The following CDYL variants were observed in gnomAD, a reference collection of about 807,000 sequenced individuals.
The protein encoded by CDYL is chromodomain Y like, also known as chromodomain Y-like protein.
Under a neutral mutation model 47.3 loss-of-function variants are expected in CDYL, and 8 were observed. The ratio of observed to expected loss-of-function variants is 0.17; its 90% confidence interval spans 0.10 to 0.31. The LOEUF is 0.31. CDYL is among the 10% of genes least tolerant of loss of function. The pLI, the probability that CDYL is intolerant of heterozygous loss-of-function variation, is 1.00. For missense variants in CDYL, 471 were observed against 701.4 expected (o/e 0.67, Z 3.71); for synonymous variants, 266 against 265.0 (o/e 1.00, Z -0.04).
Position 4,760,070 on chromosome 6 carries a change from A to T in CDYL, c.186+25226A>T, listed in dbSNP as rs115812750. 5.4e-3 allele frequency among the ~76,000 whole-genome samples: 815 copies of T among 152,062 alleles called. 5 individuals carry two copies. Among genetic ancestry groups the T allele is most frequent in the African/African-American group, 0.019 (787 of 41,500 alleles). ...TCTGTTGTTTTTTTCTGCTAAGGCT[A>T]GTCCATCAACCTGGGGTTGAAACAA... On this transcript the variant is annotated intron_variant, in intron 3 of 8. Coordinates refer to the CDYL transcript ENST00000328908.
chr6:4,801,369 T>C (rs1439481345), intron 1 of CDYL, among the ~76,000 whole-genome samples: 1 of 152,236 alleles, frequency 6.6e-6, no homozygotes, highest in Admixed American at 6.5e-5. Flanking sequence ...TCACTTGGAA[T>C]CAGTTTCTGT....
intron 1 of CDYL, among the ~76,000 whole-genome samples, chr6:4,853,367 A>T (rs1760909468): frequency 6.6e-6 from 1 of 152,232 alleles, no homozygotes; most frequent in South Asian, 2.1e-4. Context: ...AACATAACTT[A>T]TCCAAAGCTA....
intron 2 of CDYL, among the ~76,000 whole-genome samples, chr6:4,914,410 G>A (rs779096907): frequency 2.0e-5 from 3 of 152,090 alleles, no homozygotes; most frequent in Non-Finnish European, 2.9e-5. Flanking sequence ...CTACGCTGTC[G>A]TGCCAGTCCA....
At position 4,872,723 on chromosome 6, in the gene CDYL, C is replaced by T. The variant is rs142308871; in HGVS notation, c.25-18990C>T. On this transcript the variant is annotated intron_variant, in intron 1 of 6. Coordinates refer to ENST00000397588, the MANE Select transcript of CDYL (RefSeq NM_004824.4). ...AAGATATGTGAAGGCTTGCCTATAA[C>T]ACTGTAGTTCCTAACTTTGCCGTTT... is the stretch of plus-strand genomic sequence containing the variant. Among the ~76,000 whole-genome samples the T allele has an allele frequency of 4.1e-3, 632 of 152,304 alleles. 1 individual carries two copies. Among genetic ancestry groups the T allele is most frequent in the African/African-American group, 0.014 (594 of 41,556 alleles).
At chr6:4,751,654 G>A (rs1191606936) in intron 3 of CDYL, among the ~76,000 whole-genome samples, 1 of 152,222 alleles carries the variant, frequency 6.6e-6, no homozygotes, top group Non-Finnish European at 1.5e-5. Context: ...CAGGGGTAGC[G>A]ATGGACGAAG....
chr6:4,734,338 C>A (rs1757662798), intron 2 of CDYL, among the ~76,000 whole-genome samples: 1 of 152,156 alleles, frequency 6.6e-6, no homozygotes, highest in Non-Finnish European at 1.5e-5. Context: ...ATCTCAGAGT[C>A]CCACTCCTAG....
rs576169668 is a variant in CDYL, at chr6:4,905,705, G to A, written c.691+13326G>A. 9.8e-5 allele frequency among the ~76,000 whole-genome samples: 15 copies of A among 152,318 alleles called. No individual in the cohort carries two copies. In the South Asian group the frequency reaches 2.5e-3, roughly 25 times the overall value. The stretch of plus-strand genomic sequence containing the variant: ...AGCACTGGCTTTCTGCATGCTGCAC[G>A]CCTCTTATGTCAAGTCTTTGCCTCC... On this transcript the variant is annotated intron_variant, in intron 2 of 6. Coordinates refer to ENST00000397588, the MANE Select transcript of CDYL (RefSeq NM_004824.4).
Position 4,892,527 on chromosome 6 carries a change from C to A in CDYL, c.691+148C>A. ...CAGAGATTTCGCCTTCTCCTTTCTTCGCTGGAAGCCTTTGATATTTCTCTT... is the reference window on the plus strand; with the variant it reads ...CAGAGATTTCGCCTTCTCCTTTCTTAGCTGGAAGCCTTTGATATTTCTCTT... On this transcript the variant is annotated intron_variant, in intron 2 of 6. Coordinates refer to ENST00000397588, the MANE Select transcript of CDYL (RefSeq NM_004824.4). 3 of 799,442 alleles carry A rather than the reference C, an allele frequency of 3.8e-6. No homozygotes were observed. In the South Asian group the frequency reaches 6.0e-5, roughly 16 times the overall value. 49.5% of individuals were successfully genotyped at this position (799,442 alleles called of 1,614,324 possible).
intron 2 of CDYL, among the ~76,000 whole-genome samples, chr6:4,924,392 C>A (rs1757805757): frequency 6.6e-6 from 1 of 152,176 alleles, no homozygotes; most frequent in Admixed American, 6.5e-5. Flanking sequence ...TTGCCGTTCA[C>A]CTGCCCTTCT....
At chr6:4,861,860 C>G (rs1761179202) in intron 1 of CDYL, among the ~76,000 whole-genome samples, 1 of 152,146 alleles carries the variant, frequency 6.6e-6, no homozygotes, top group African/African-American at 2.4e-5. Context: ...TTTAAAGCAC[C>G]TGGGTTATGA....
intron 2 of CDYL, among the ~76,000 whole-genome samples, chr6:4,724,005 A>G (rs989535092): frequency 2.0e-5 from 3 of 152,212 alleles, no homozygotes; most frequent in East Asian, 1.9e-4. Flanking sequence ...CTCATCCCAC[A>G]TACCTGTGCT....
upstream of CDYL, among the ~76,000 whole-genome samples, chr6:4,774,092 C>T (rs1758379618): frequency 6.6e-6 from 1 of 152,138 alleles, no homozygotes; most frequent in African/African-American, 2.4e-5. Context: ...GGTGGAGCCC[C>T]TTGTGAATGC....
At chr6:4,837,870 C>G (rs2127457350) in intron 1 of CDYL, among the ~76,000 whole-genome samples, 1 of 152,128 alleles carries the variant, frequency 6.6e-6, no homozygotes, top group East Asian at 1.9e-4. Flanking sequence ...GCCTCCCAGG[C>G]TCAAGTGATC....
intron 3 of CDYL, among the ~76,000 whole-genome samples, chr6:4,754,032 G>A (rs1008179440): frequency 6.6e-6 from 1 of 152,148 alleles, no homozygotes; most frequent in African/African-American, 2.4e-5. Context: ...CTACTTGGGA[G>A]GCTGAGGTGG....
At chr6:4,860,771 A>G (rs1761146922) in intron 1 of CDYL, among the ~76,000 whole-genome samples, 2 of 151,988 alleles carry the variant, frequency 1.3e-5, no homozygotes, top group Admixed American at 1.3e-4. Context: ...AAGAACTTGG[A>G]GTCCGATGTT....
intron 1 of CDYL, among the ~76,000 whole-genome samples, chr6:4,880,534 T>G (rs1326937556): frequency 6.6e-6 from 1 of 152,230 alleles, no homozygotes; most frequent in African/African-American, 2.4e-5. Context: ...TTCATTCATC[T>G]TTCTTGGGTA....
intron 2 of CDYL, among the ~76,000 whole-genome samples, chr6:4,931,653 A>G (rs915129491): frequency 2.0e-5 from 3 of 152,136 alleles, no homozygotes; most frequent in African/African-American, 7.2e-5. Context: ...ATACTTCTCT[A>G]CCTAAATAGT....
chr6:4,830,769 A>C, intron 1 of CDYL, among the ~76,000 whole-genome samples: 2 of 102,076 alleles, frequency 2.0e-5, no homozygotes, highest in Non-Finnish European at 3.7e-5. Context: ...CCACCCCACA[A>C]CAGGCCCCAG....
chr6:4,831,393 A>G (rs1326781819), intron 1 of CDYL, among the ~76,000 whole-genome samples: 2 of 152,120 alleles, frequency 1.3e-5, no homozygotes, highest in African/African-American at 2.4e-5. Context: ...AGTTGTAGAT[A>G]TGCGGCATTA....
Sources: gnomAD v4.1 joint callset for allele counts (sites outside exome capture counted in the v4.1 genomes callset) on GRCh38, gnomAD v4.1.1 for gene constraint, MANE v1.5 for transcripts, NCBI Gene and HGNC (gene_info 2026-07-23, HGNC 2026-07-21) for gene names.